The following NDUFA9 variants were observed in gnomAD, a reference collection of about 807,000 sequenced individuals.
NDUFA9 encodes NADH dehydrogenase [ubiquinone] 1 alpha subcomplex subunit 9, mitochondrial.
Under a neutral mutation model 45.9 loss-of-function variants are expected in NDUFA9, and 23 were observed. The observed-to-expected ratio is 0.50, with a 90% confidence interval of 0.36 to 0.71. The LOEUF (loss-of-function observed/expected upper bound fraction) is 0.71. NDUFA9 is among the 30% of genes least tolerant of loss of function. NDUFA9 has a pLI of 0.00. For missense variants in NDUFA9, 466 were observed against 488.2 expected (o/e 0.95, Z 0.43); for synonymous variants, 176 against 170.5 (o/e 1.03, Z -0.25).
chr12:4,664,465 A>C (rs1383814137), intron 6 of NDUFA9, among the ~76,000 whole-genome samples: 2 of 152,206 alleles, frequency 1.3e-5, no homozygotes, highest in Admixed American at 6.5e-5. Flanking sequence ...TGACCCCAAA[A>C]GGGGTTCAGA....
chr12:4,683,896 T>C (rs1945968502), intron 9 of NDUFA9, among the ~76,000 whole-genome samples: 1 of 152,204 alleles, frequency 6.6e-6, no homozygotes, highest in African/African-American at 2.4e-5. Flanking sequence ...TAGAATGAAG[T>C]CTTACAGAAA....
In NDUFA9 at chr12:4,693,140, A is replaced by G. The variant is rs1162086501; in HGVS notation, c.*6032A>G. ...TCTCTTTAAAAAAATAAAGCACTTG[A>G]AGCAGAACTTTTTATCTGTCATAAT... On this transcript the variant is annotated 3_prime_UTR_variant, in exon 11 of 11. Transcript: ENST00000266544. 6.6e-6 allele frequency: 1 copy of G among 152,166 alleles called. No homozygotes were observed. Among genetic ancestry groups the G allele is most frequent in the Non-Finnish European group, 1.5e-5 (1 of 68,042 alleles). The allele number at this position is 152,166 out of a possible 1,614,324, so 9.4% of individuals were successfully genotyped here.
chr12:4,679,896 C>A (rs946855555), intron 8 of NDUFA9, among the ~76,000 whole-genome samples: 1 of 151,874 alleles, frequency 6.6e-6, no homozygotes, highest in African/African-American at 2.4e-5. Flanking sequence ...GAGATGAGGC[C>A]GACAGAAAAG....
At chr12:4,658,938 T>G in intron 4 of NDUFA9, 98 bp from the exon 5 acceptor site, 1 of 1,266,616 alleles carries the variant, frequency 7.9e-7, no homozygotes, top group Non-Finnish European at 1.1e-6. Flanking sequence ...TTAAGTAGTG[T>G]GAATTTCAGT....
intron 9 of NDUFA9, among the ~76,000 whole-genome samples, chr12:4,684,516 T>G (rs778210460): frequency 1.3e-5 from 2 of 152,128 alleles, no homozygotes; most frequent in African/African-American, 2.4e-5. Context: ...ACACCTGTAG[T>G]CCCAGCTACT....
Position 4,654,845 on chromosome 12 carries a change from A to G in NDUFA9, c.241A>G (p.Ile81Val). Residue 81 changes from isoleucine to valine, a missense_variant, in exon 3 of 11, where the codon ATC becomes GTC. Ile to Val is a conservative substitution (Grantham distance 29). Transcript: ENST00000266544. ...TTTAGGACGCATGGGGTCACAGGTA[A>G]TCATACCCTATCGGTGTGATAAATA... is the stretch of plus-strand genomic sequence containing the variant. ...NHLGRMGSQV[I>V]IPYRCDKYDI... The G allele has an allele frequency of 1.2e-6, 2 of 1,613,620 alleles. No individual in the cohort carries two copies. The highest frequency in any genetic ancestry group is 1.7e-6 in the Non-Finnish European group (2 of 1,179,818).
rs1946018595 is a variant in NDUFA9 at position 4,691,559 on chromosome 12, T to C, written c.*4451T>C. 1 of 151,802 alleles carries C rather than the reference T, an allele frequency of 6.6e-6. No homozygotes were observed. The highest frequency in any genetic ancestry group is 1.5e-5 in the Non-Finnish European group (1 of 67,998). The allele number at this position is 151,802 out of a possible 1,614,324, so 9.4% of individuals were successfully genotyped here. A position where few individuals can be genotyped will look rare whatever the true frequency, so the allele number is the denominator to read the frequency against. ...AGAAGGTCTTGGAGTGAATGGGAGG[T>C]ATAGTGGAATGGAGGGCGTATTTGA... On this transcript the variant is annotated 3_prime_UTR_variant, in exon 11 of 11. Transcript: ENST00000266544.
At chr12:4,664,107 A>T (rs77101172) in intron 6 of NDUFA9, among the ~76,000 whole-genome samples, 18,554 of 152,252 alleles carry the variant, frequency 0.12, 1,187 homozygotes, top group African/African-American at 0.15. Flanking sequence ...AGAGAGAAAG[A>T]GGAAATGAAG....
chr12:4,672,290 C>T (rs1337198901), intron 8 of NDUFA9, among the ~76,000 whole-genome samples: 1 of 152,190 alleles, frequency 6.6e-6, no homozygotes, highest in Admixed American at 6.5e-5. Flanking sequence ...GGTTTTCCAG[C>T]ACCAAACTGG....
rs749568258 is a variant in NDUFA9, at chr12:4,657,794, A to C, written c.365A>C (p.His122Pro). The stretch of plus-strand genomic sequence containing the variant: ...GATTCTATCCGACGAGTAGTACAAC[A>C]CAGCAATGTGGTCATCAATCTTATT... ...DKDSIRRVVQ[H>P]SNVVINLIGR... The change falls in exon 4 of 11, where the codon CAC (histidine) becomes CCC (proline). Residue 122 changes from histidine (H) to proline (P), a missense_variant. Coordinates refer to ENST00000266544, the MANE Select transcript of NDUFA9 (RefSeq NM_005002.5). 17 of 1,613,838 alleles carry C rather than the reference A, an allele frequency of 1.1e-5. No individual in the cohort carries two copies. In the Admixed American group the frequency reaches 2.8e-4, roughly 27 times the overall value.
At position 4,649,195 on chromosome 12, in the gene NDUFA9, G is replaced by C; in HGVS notation, c.49+20G>C. On this transcript the variant is annotated intron_variant, in intron 1 of 10. Transcript: ENST00000266544. ...TGTCACGTAAGTGTTACCGGGAACGGCGGCCCCTGGTCGGGATTCCGAGAC... is the reference window on the plus strand; with the variant it reads ...TGTCACGTAAGTGTTACCGGGAACGCCGGCCCCTGGTCGGGATTCCGAGAC... 6.3e-7 allele frequency: 1 copy of C among 1,597,428 alleles called. No individual in the cohort carries two copies. The highest frequency in any genetic ancestry group is 1.1e-5 in the South Asian group (1 of 88,112).
chr12:4,682,888 G>T (rs140569551), intron 9 of NDUFA9, among the ~76,000 whole-genome samples: 1 of 152,182 alleles, frequency 6.6e-6, no homozygotes, highest in African/African-American at 2.4e-5. Context: ...GCAATATAGC[G>T]AAGCCCCATC....
intron 8 of NDUFA9, among the ~76,000 whole-genome samples, chr12:4,671,154 A>G (rs1470530447): frequency 6.6e-6 from 1 of 152,206 alleles, no homozygotes; most frequent in Non-Finnish European, 1.5e-5. Context: ...GCAGTGGCAT[A>G]AGACTATAAT....
chr12:4,683,661 G>C (rs1945967407), intron 9 of NDUFA9, among the ~76,000 whole-genome samples: 1 of 152,206 alleles, frequency 6.6e-6, no homozygotes, highest in African/African-American at 2.4e-5. Context: ...TATGTGGAGT[G>C]AGTGGAAGAG....
chr12:4,676,632 A>G (rs1390730633), intron 8 of NDUFA9, among the ~76,000 whole-genome samples: 1 of 152,212 alleles, frequency 6.6e-6, no homozygotes, highest in Non-Finnish European at 1.5e-5. Context: ...ACCACTGCTC[A>G]AGTAAATAAG....
chr12:4,651,716 T>C (rs1261012634), intron 1 of NDUFA9, among the ~76,000 whole-genome samples: 1 of 152,146 alleles, frequency 6.6e-6, no homozygotes, highest in South Asian at 2.1e-4. Context: ...CTCTGCCATC[T>C]TTTGCCTGTC....
intron 6 of NDUFA9, among the ~76,000 whole-genome samples, chr12:4,666,404 T>C (rs533431769): frequency 9.2e-5 from 14 of 152,342 alleles, no homozygotes; most frequent in African/African-American, 3.4e-4. Context: ...GTCAGGCTTA[T>C]CTATTTTTAC....
In NDUFA9 at chr12:4,682,215, T is replaced by C; in HGVS notation, c.811T>C (p.Tyr271His). The change falls in exon 9 of 11, where the codon TAC becomes CAC. Residue 271 changes from tyrosine to histidine, a missense_variant. Transcript: ENST00000266544. The stretch of plus-strand genomic sequence containing the variant: ...ATTGTCTTTTTATAGTCCCAGTCGG[T>C]ACCTCCTTTTCCACCTGGTGAAGTA... ...KSFAFVGPSR[Y>H]LLFHLVKYIF... 6.2e-7 allele frequency: 1 copy of C among 1,611,012 alleles called. No homozygotes were observed. Among genetic ancestry groups the C allele is most frequent in the Non-Finnish European group, 8.5e-7 (1 of 1,177,854 alleles).
chr12:4,681,160 A>G (rs1052069402), intron 8 of NDUFA9, among the ~76,000 whole-genome samples: 1 of 152,158 alleles, frequency 6.6e-6, no homozygotes, highest in South Asian at 2.1e-4. Flanking sequence ...AATCTTTTTT[A>G]TAAGGTTTAG....
Sources: allele counts gnomAD v4.1 joint callset (sites outside exome capture counted in the v4.1 genomes callset), GRCh38; gene constraint gnomAD v4.1.1; transcripts MANE v1.5; gene names NCBI Gene and HGNC (gene_info 2026-07-23, HGNC 2026-07-21).